The following SEPTIN14 variants were observed in gnomAD, a reference collection of about 807,000 sequenced individuals.
The protein encoded by SEPTIN14 is septin-14.
Under a neutral mutation model 53.6 loss-of-function variants are expected in SEPTIN14, and 40 were observed. That is an observed-to-expected ratio of 0.75 (90% CI 0.58 to 0.97). The LOEUF is 0.97. SEPTIN14 is among the 50% of genes least tolerant of loss of function. The pLI is 0.00. For synonymous variants in SEPTIN14, 138 were observed against 166.8 expected (o/e 0.83, Z 1.33); for missense variants, 471 against 508.2 (o/e 0.93, Z 0.70).
At chr7:55,832,202 AACACACAC>A (rs112349116) in intron 6 of SEPTIN14, among the ~76,000 whole-genome samples, 41,117 of 144,932 alleles carry the variant, frequency 0.28, 5,599 homozygotes, top group Middle Eastern at 0.37. Flanking sequence ...CTCTGTCTCA[AACACACAC>A]ACACACACAC....
rs745447803 is a variant in SEPTIN14, at chr7:55,810,980, G to T, written c.818-3722C>A. The T allele has an allele frequency of 6.3e-5, 27 of 425,246 alleles. 1 individual carries two copies. The highest frequency in any genetic ancestry group is 1.1e-4 in the Non-Finnish European group (25 of 220,750). The allele number at this position is 425,246 out of a possible 1,614,324, so 26.3% of individuals were successfully genotyped here. A position where few individuals can be genotyped will look rare whatever the true frequency, so the allele number is the denominator to read the frequency against. On this transcript the variant is annotated intron_variant, in intron 7 of 9. Coordinates refer to ENST00000388975, the MANE Select transcript of SEPTIN14 (RefSeq NM_207366.3). ...CTTGTACAGACTGAGTTCTGTTCTT[G>T]GATGCAGGACATCTTTTGACTGTTG... is the stretch of plus-strand genomic sequence containing the variant.
Position 55,806,029 on chromosome 7 carries a change from C to G in SEPTIN14, c.987-639G>C, listed in dbSNP as rs138510651. 8.0e-3 allele frequency among the ~76,000 whole-genome samples: 1,210 copies of G among 152,092 alleles called. 20 individuals carry two copies. The highest frequency in any genetic ancestry group is 0.028 in the African/African-American group (1,151 of 41,522). On this transcript the variant is annotated intron_variant, in intron 8 of 9. Coordinates refer to ENST00000388975, the MANE Select transcript of SEPTIN14 (RefSeq NM_207366.3). ...CTTTTTTTTTTGAGACAGAGTCTCT[C>G]TTTGTCGCCCAGACTGGAGTGCAGT...
intron 7 of SEPTIN14, chr7:55,811,296 A>G: frequency 1.9e-6 from 1 of 513,326 alleles, no homozygotes; most frequent in Non-Finnish European, 3.9e-6. Context: ...GTCAGACTCA[A>G]TTGGCTTGAT....
At position 55,844,629 on chromosome 7, in the gene SEPTIN14, C is replaced by G. The variant is rs772804649; in HGVS notation, c.265G>C (p.Val89Leu). The G allele has an allele frequency of 2.2e-5, 35 of 1,609,878 alleles. No individual in the cohort carries two copies. The South Asian group carries it at 3.5e-4, about 16-fold the overall frequency. Residue 89 changes from valine (V) to leucine (L), a missense_variant, in exon 4 of 10, where the codon GTT (valine) becomes CTT (leucine). Val to Leu is a conservative substitution (Grantham distance 32, BLOSUM62 1). Transcript: ENST00000388975. ...DNKSSHFYSN[V>L]GLQIQTYELQ... ...TCATATGTCTGAATTTGAAGTCCAACATTTGAGTAAAAATGTGAGGATTTG... is the reference window on the plus strand; with the variant it reads ...TCATATGTCTGAATTTGAAGTCCAAGATTTGAGTAAAAATGTGAGGATTTG...
chr7:55,832,441 G>A (rs1008290318), intron 6 of SEPTIN14, among the ~76,000 whole-genome samples: 2 of 152,058 alleles, frequency 1.3e-5, no homozygotes, highest in Non-Finnish European at 2.9e-5. Flanking sequence ...ATATAAAAAA[G>A]TCACTTTCAC....
At chr7:55,827,686 A>G (rs1789015242) in intron 6 of SEPTIN14, among the ~76,000 whole-genome samples, 1 of 152,236 alleles carries the variant, frequency 6.6e-6, no homozygotes, top group South Asian at 2.1e-4. Context: ...GGCAACTCAG[A>G]GTCTAGGCAT....
At chr7:55,830,040 T>C (rs1584262459) in intron 6 of SEPTIN14, among the ~76,000 whole-genome samples, 1 of 149,402 alleles carries the variant, frequency 6.7e-6, no homozygotes, top group African/African-American at 2.5e-5. Flanking sequence ...TAGCCGGGCG[T>C]GGTGGCGGGC....
At chr7:55,859,239 A>T (rs987783579) in intron 2 of SEPTIN14, among the ~76,000 whole-genome samples, 1 of 151,550 alleles carries the variant, frequency 6.6e-6, no homozygotes, top group African/African-American at 2.4e-5. Context: ...TTCAGGTCTT[A>T]CTTTTAGGTC....
chr7:55,850,712 T>C (rs1187203071), intron 2 of SEPTIN14: 2 of 152,174 alleles, frequency 1.3e-5, no homozygotes, highest in African/African-American at 4.8e-5. Flanking sequence ...ATTTTTATGA[T>C]TTTTAGGATT....
At chr7:55,857,522 A>AAG (rs1562722311) in intron 2 of SEPTIN14, among the ~76,000 whole-genome samples, 202 of 39,636 alleles carry the variant, frequency 5.1e-3, no homozygotes, top group African/African-American at 0.019. Context: ...GGGAAGGGAA[A>AAG]GGAAAGGAAA....
chr7:55,846,064 AGTATATATAT>A (rs1408620815), intron 3 of SEPTIN14, among the ~76,000 whole-genome samples: 8 of 7,386 alleles, frequency 1.1e-3, no homozygotes, highest in Admixed American at 3.9e-3. Context: ...AAAAAAAAAA[AGTATATATAT>A]ATATATATAT....
chr7:55,854,684 T>C (rs1413270201), intron 2 of SEPTIN14, among the ~76,000 whole-genome samples: 1 of 152,062 alleles, frequency 6.6e-6, no homozygotes, highest in Non-Finnish European at 1.5e-5. Flanking sequence ...CACCTCGGCC[T>C]CCCAAAGTGC....
At chr7:55,829,567 T>C (rs887761821) in intron 6 of SEPTIN14, among the ~76,000 whole-genome samples, 2 of 151,794 alleles carry the variant, frequency 1.3e-5, no homozygotes, top group African/African-American at 4.8e-5. Context: ...GCATACAAAC[T>C]AGAAAACCTA....
At chr7:55,806,189 C>T (rs1380817743) in intron 8 of SEPTIN14, among the ~76,000 whole-genome samples, 5 of 151,796 alleles carry the variant, frequency 3.3e-5, no homozygotes, top group African/African-American at 4.8e-5. Flanking sequence ...TTAGTAGGGA[C>T]GGAGCTTTAC....
At position 55,794,682 on chromosome 7, in the gene SEPTIN14, G is replaced by A. The variant is rs6959347; in HGVS notation, c.*1231C>T. The A allele has an allele frequency of 0.18, 27,079 of 152,118 alleles. 3,231 individuals are homozygous for A. The highest frequency in any genetic ancestry group is 0.44 in the East Asian group (2,260 of 5,168). 9.4% of individuals were successfully genotyped at this position (152,118 alleles called of 1,614,324 possible). On this transcript the variant is annotated 3_prime_UTR_variant, in exon 10 of 10. Transcript: ENST00000388975. ...CTTATACCAGGTGTGGTGACTCAGC[G>A]CTCTGTCACCCAGGCTGGAGTGCAG... is the stretch of plus-strand genomic sequence containing the variant.
chr7:55,830,349 A>ATATATATATTT (rs71015108), intron 6 of SEPTIN14, among the ~76,000 whole-genome samples: 4 of 56,844 alleles, frequency 7.0e-5, no homozygotes, highest in African/African-American at 2.0e-4. Flanking sequence ...ATATATATAT[A>ATATATATATTT]TTTTTTTTTT....
chr7:55,826,671 C>A (rs1055193827), intron 6 of SEPTIN14, among the ~76,000 whole-genome samples: 5 of 151,984 alleles, frequency 3.3e-5, no homozygotes, highest in African/African-American at 1.2e-4. Flanking sequence ...ATATAGGGTG[C>A]CTGTAATCCC....
intron 5 of SEPTIN14, among the ~76,000 whole-genome samples, chr7:55,836,827 T>C (rs1284643304): frequency 3.9e-5 from 6 of 152,204 alleles, no homozygotes; most frequent in Non-Finnish European, 7.3e-5. Context: ...TTAATTTAAC[T>C]AGAAATCTAA....
chr7:55,802,268 G>A (rs1049196832), intron 9 of SEPTIN14, among the ~76,000 whole-genome samples: 1 of 152,122 alleles, frequency 6.6e-6, no homozygotes, highest in Non-Finnish European at 1.5e-5. Context: ...GCCTCCCAGA[G>A]TGCTGGGATT....
Sources: gnomAD v4.1 joint callset for allele counts (sites outside exome capture counted in the v4.1 genomes callset) on GRCh38, gnomAD v4.1.1 for gene constraint, MANE v1.5 for transcripts, NCBI Gene and HGNC (gene_info 2026-07-23, HGNC 2026-07-21) for gene names.